Variants in SHANK2 observed in about 807,000 individuals in gnomAD.
The protein encoded by SHANK2 is SH3 and multiple ankyrin repeat domains 2, also known as SH3 and multiple ankyrin repeat domains protein 2.
Under a neutral mutation model 133.7 loss-of-function variants are expected in SHANK2, and 43 were observed. That is an observed-to-expected ratio of 0.32 (90% CI 0.25 to 0.41). SHANK2 has a LOEUF of 0.41. Ranked by LOEUF, SHANK2 falls within the 10% of genes least tolerant of loss-of-function variation. The probability of loss-of-function intolerance (pLI) is 1.00; values close to 1 mark genes in which losing one functional copy is unlikely to be tolerated. For missense variants in SHANK2, 1,994 were observed against 2,235.8 expected (o/e 0.89, Z 2.18); for synonymous variants, 1,017 against 952.8 (o/e 1.07, Z -1.24).
In SHANK2 at chr11:70,843,125, A is replaced by C. The variant is rs1459965020; in HGVS notation, c.1175-22443T>G. Among the ~76,000 whole-genome samples, 6 of 151,662 alleles carry C rather than the reference A, an allele frequency of 4.0e-5. No individual in the cohort carries two copies. The East Asian group carries it at 9.8e-4, about 25-fold the overall frequency. On this transcript the variant is annotated intron_variant, in intron 11 of 25. Transcript: ENST00000601538. Reference sequence around the variant, plus strand: ...GCCCAGAGCTGAGGCTGGAAGGTACAGGTTTCAGGTCATGGGGTCAGGGAG... The same window carrying C: ...GCCCAGAGCTGAGGCTGGAAGGTACCGGTTTCAGGTCATGGGGTCAGGGAG...
intron 14 of SHANK2, among the ~76,000 whole-genome samples, chr11:70,794,850 C>G (rs1316418456): frequency 1.3e-5 from 2 of 152,198 alleles, no homozygotes; most frequent in Admixed American, 1.3e-4. Context: ...GCCACCACAC[C>G]TGGCCTGTGA....
intron 14 of SHANK2, among the ~76,000 whole-genome samples, chr11:70,725,346 C>T (rs1946156972): frequency 6.6e-6 from 1 of 152,202 alleles, no homozygotes; most frequent in African/African-American, 2.4e-5. Context: ...CATTTGCGGA[C>T]TCTTAAAAGC....
At chr11:71,158,850 C>T (rs1565486065) in intron 2 of SHANK2, among the ~76,000 whole-genome samples, 1 of 152,176 alleles carries the variant, frequency 6.6e-6, no homozygotes. Flanking sequence ...ATTAATAAAC[C>T]TATGAGGCTG....
intron 17 of SHANK2, among the ~76,000 whole-genome samples, chr11:70,618,060 G>A (rs1470604087): frequency 6.6e-6 from 1 of 152,108 alleles, no homozygotes; most frequent in African/African-American, 2.4e-5. Flanking sequence ...CACTTTGGGG[G>A]GCGAGGCAGG....
chr11:70,718,277 G>A (rs183478029), intron 14 of SHANK2, among the ~76,000 whole-genome samples: 10 of 152,314 alleles, frequency 6.6e-5, no homozygotes, highest in Admixed American at 2.6e-4. Context: ...GGTCTTGGCC[G>A]TTCAGAGCCC....
At chr11:70,768,705 A>G (rs1555041965) in intron 14 of SHANK2, among the ~76,000 whole-genome samples, 1 of 152,198 alleles carries the variant, frequency 6.6e-6, no homozygotes, top group African/African-American at 2.4e-5. Flanking sequence ...CATCAGGAGA[A>G]ACAAGGCTGG....
chr11:71,243,648 T>C (rs1954921413), intron 1 of SHANK2, among the ~76,000 whole-genome samples: 1 of 152,062 alleles, frequency 6.6e-6, no homozygotes. Context: ...TGAGCTGAGA[T>C]CACGCCACTG....
rs571535984 is a variant in SHANK2 at position 71,203,773 on chromosome 11, T to C, written c.-13+20924A>G. Among the ~76,000 whole-genome samples the C allele has an allele frequency of 4.5e-3, 689 of 152,178 alleles. 1 individual carries two copies. The highest frequency in any genetic ancestry group is 7.0e-3 in the Non-Finnish European group (478 of 68,000). On this transcript the variant is annotated intron_variant, in intron 2 of 25. Coordinates refer to ENST00000601538, the MANE Select transcript of SHANK2 (RefSeq NM_012309.5). ...ACAGTGGGGACCCCAGGCCACATGG[T>C]AGCAGCGTGACCTCTCAGGGGCCTG...
At chr11:71,114,857 G>A (rs1437634422) in intron 4 of SHANK2, among the ~76,000 whole-genome samples, 4 of 152,038 alleles carry the variant, frequency 2.6e-5, no homozygotes, top group Non-Finnish European at 5.9e-5. Flanking sequence ...TCAATTCCAC[G>A]GGGCCCCTTT....
chr11:70,911,065 A>AC (rs1950184256), intron 10 of SHANK2: 2 of 456,874 alleles, frequency 4.4e-6, no homozygotes, highest in Non-Finnish European at 8.8e-6. Flanking sequence ...ATCGGCATTC[A>AC]CCCCCAGACT....
chr11:70,644,771 A>T (rs1555007663), intron 17 of SHANK2, among the ~76,000 whole-genome samples: 1 of 152,220 alleles, frequency 6.6e-6, no homozygotes, highest in African/African-American at 2.4e-5. Context: ...TGCTCATTTC[A>T]TTGATTCCTT....
chr11:70,581,740 A>G (rs1317590287), intron 17 of SHANK2, among the ~76,000 whole-genome samples: 1 of 152,190 alleles, frequency 6.6e-6, no homozygotes, highest in Non-Finnish European at 1.5e-5. Context: ...GCAAAGACTG[A>G]AGTTGGGGCC....
intron 11 of SHANK2, among the ~76,000 whole-genome samples, chr11:70,881,485 TAGA>T (rs1949658647): frequency 6.6e-6 from 1 of 151,192 alleles, no homozygotes; most frequent in Non-Finnish European, 1.5e-5. Flanking sequence ...GAGACTGAGG[TAGA>T]AGGATGACTT....
At chr11:71,101,720 C>T (rs562481503) in intron 6 of SHANK2, among the ~76,000 whole-genome samples, 1 of 152,348 alleles carries the variant, frequency 6.6e-6, no homozygotes, top group Non-Finnish European at 1.5e-5. Flanking sequence ...GCCCCTTCTG[C>T]TCTTCAAGAC....
chr11:70,709,878 G>A (rs939900106), intron 14 of SHANK2, among the ~76,000 whole-genome samples: 1 of 152,162 alleles, frequency 6.6e-6, no homozygotes, highest in Non-Finnish European at 1.5e-5. Context: ...CCAGTGGGGC[G>A]GGTGGGCTCC....
At chr11:70,722,323 C>T (rs561563307) in intron 14 of SHANK2, among the ~76,000 whole-genome samples, 4 of 152,356 alleles carry the variant, frequency 2.6e-5, no homozygotes, top group African/African-American at 9.6e-5. Context: ...GGATGCTCCT[C>T]ACGCTCTCAG....
intron 17 of SHANK2, among the ~76,000 whole-genome samples, chr11:70,583,377 G>A (rs976385847): frequency 7.9e-5 from 12 of 152,136 alleles, no homozygotes; most frequent in Admixed American, 3.9e-4. Flanking sequence ...AGGGGCCAGC[G>A]TGTGGCAGCA....
intron 17 of SHANK2, among the ~76,000 whole-genome samples, chr11:70,576,203 C>T (rs374812022): frequency 4.6e-5 from 7 of 151,968 alleles, no homozygotes; most frequent in East Asian, 1.9e-4. Flanking sequence ...GGGATGCAGA[C>T]GAGGAAAGGA....
chr11:70,570,970 A>G (rs2060038155), intron 17 of SHANK2, among the ~76,000 whole-genome samples: 2 of 152,176 alleles, frequency 1.3e-5, no homozygotes, highest in Admixed American at 1.3e-4. Context: ...TTGGGGGTCA[A>G]AGCACTCCTG....
Sources: gnomAD v4.1 joint callset for allele counts (sites outside exome capture counted in the v4.1 genomes callset) on GRCh38, gnomAD v4.1.1 for gene constraint, MANE v1.5 for transcripts, NCBI Gene and HGNC (gene_info 2026-07-23, HGNC 2026-07-21) for gene names.